Variants in LRP1B observed in about 807,000 individuals in gnomAD.
LRP1B encodes the protein LDL receptor related protein 1B, also known as low-density lipoprotein receptor-related protein 1B.
Under a neutral mutation model 556.6 loss-of-function variants are expected in LRP1B, and 217 were observed. The observed-to-expected ratio is 0.39, with a 90% CI of 0.35 to 0.44. LRP1B has a LOEUF of 0.44. LRP1B is among the 20% of genes least tolerant of loss of function. The pLI, the probability that LRP1B is intolerant of heterozygous loss-of-function variation, is 1.00. For missense variants in LRP1B, 5,053 were observed against 5,620.8 expected, an observed-to-expected ratio of 0.90 and a Z score of 3.23; for synonymous variants, 2,047 against 1,865.8, an observed-to-expected ratio of 1.10 and a Z score of -2.50.
At chr2:140,437,827 G>T (rs1360992308) in intron 66 of LRP1B, among the ~76,000 whole-genome samples, 2 of 152,112 alleles carry the variant, frequency 1.3e-5, no homozygotes, top group African/African-American at 4.8e-5. Context: ...AGGGGGAAAG[G>T]GAAGAGGTGG....
intron 72 of LRP1B, 42 bp from the exon 73 acceptor site, chr2:140,358,988 C>G (rs756612681): frequency 6.3e-7 from 1 of 1,582,532 alleles, no homozygotes; most frequent in South Asian, 1.1e-5. Context: ...CCTTCGAGTA[C>G]ATTGCTTTAT....
At chr2:141,471,294 T>TTA (rs1457351565) in intron 3 of LRP1B, among the ~76,000 whole-genome samples, 1 of 109,854 alleles carries the variant, frequency 9.1e-6, no homozygotes, top group Non-Finnish European at 2.2e-5. Flanking sequence ...TTTTTTTTTT[T>TTA]ACTCTCTTGC....
intron 84 of LRP1B, among the ~76,000 whole-genome samples, chr2:140,287,348 G>T (rs1258009281): frequency 6.6e-6 from 1 of 151,716 alleles, no homozygotes; most frequent in East Asian, 1.9e-4. Context: ...GTTCTTCATG[G>T]TCTAGAGGTA....
At chr2:141,964,418 C>A (rs1376528533) in intron 1 of LRP1B, among the ~76,000 whole-genome samples, 1 of 147,346 alleles carries the variant, frequency 6.8e-6, no homozygotes, top group South Asian at 2.2e-4. Flanking sequence ...TGGAACAGAA[C>A]AGAGCCCTCA....
At chr2:140,921,289 T>C (rs1367038750) in intron 21 of LRP1B, among the ~76,000 whole-genome samples, 1 of 151,998 alleles carries the variant, frequency 6.6e-6, no homozygotes, top group Non-Finnish European at 1.5e-5. Flanking sequence ...TAATTGAAAC[T>C]CAGGATTTTC....
intron 3 of LRP1B, among the ~76,000 whole-genome samples, chr2:141,378,130 C>T (rs1689505281): frequency 6.6e-6 from 1 of 152,064 alleles, no homozygotes; most frequent in African/African-American, 2.4e-5. Context: ...AAAAGAAAAC[C>T]TTGAAGAAAG....
chr2:140,365,158 G>A (rs770669014), intron 71 of LRP1B, among the ~76,000 whole-genome samples: 2 of 150,480 alleles, frequency 1.3e-5, no homozygotes, highest in Admixed American at 6.7e-5. Context: ...GTCTTTCTTG[G>A]GGAAAAGACA....
chr2:140,444,684 G>C lies in LRP1B; in HGVS notation c.10058-5C>G, dbSNP rs750367585. ...CTGGCTGACATCTAAATTCAGCTAG[G>C]GGAGAAAGCATAGATATTGTGGAAT... On this transcript the variant is annotated splice_polypyrimidine_tract_variant and splice_region_variant and intron_variant, in intron 63 of 90. Coordinates refer to ENST00000389484, the MANE Select transcript of LRP1B (RefSeq NM_018557.3). 6.3e-7 allele frequency: 1 copy of C among 1,576,692 alleles called. No individual in the cohort carries two copies. The highest frequency in any genetic ancestry group is 1.1e-5 in the South Asian group (1 of 90,184).
chr2:140,426,825 G>A (rs1317714044), intron 66 of LRP1B, among the ~76,000 whole-genome samples: 5 of 152,200 alleles, frequency 3.3e-5, no homozygotes, highest in African/African-American at 4.8e-5. Context: ...GACTCGGATC[G>A]GGGGACCTCC....
chr2:141,314,331 T>A (rs1056811662), intron 3 of LRP1B, among the ~76,000 whole-genome samples: 1 of 152,192 alleles, frequency 6.6e-6, no homozygotes, highest in Non-Finnish European at 1.5e-5. Flanking sequence ...TGCAATTACA[T>A]AATTTCATAG....
chr2:140,821,772 C>T (rs1464294933), intron 31 of LRP1B, among the ~76,000 whole-genome samples: 4 of 152,260 alleles, frequency 2.6e-5, no homozygotes, highest in African/African-American at 9.6e-5. Flanking sequence ...CCATGGCTCA[C>T]GCCTATAATC....
chr2:140,373,126 C>T lies in LRP1B; in HGVS notation c.10650G>A (p.Glu3550=), dbSNP rs16843864. Residue 3550 remains glutamate (E), a synonymous_variant, in exon 69 of 91, where the codon GAG becomes GAA. Transcript: ENST00000389484. ...GGAACTGATCTTTGGAACAACTTGT[C>T]TCACAATTTCTCTATGAAAAACAAC... ...CADGSDERNC[E]TSCSKDQFRC... The T allele has an allele frequency of 0.12, 195,880 of 1,611,320 alleles. 12,799 individuals carry two copies. Among genetic ancestry groups the T allele is most frequent in the African/African-American group, 0.19 (14,388 of 74,800 alleles).
intron 1 of LRP1B, among the ~76,000 whole-genome samples, chr2:141,994,419 C>T (rs1320846940): frequency 1.3e-5 from 2 of 152,074 alleles, no homozygotes; most frequent in Non-Finnish European, 2.9e-5. Context: ...GCTTTGTAGA[C>T]TATGAAAATG....
At chr2:141,541,940 A>G (rs1685275502) in intron 2 of LRP1B, among the ~76,000 whole-genome samples, 1 of 152,050 alleles carries the variant, frequency 6.6e-6, no homozygotes. Context: ...AAGTCTCTGG[A>G]AATTTTCTAG....
chr2:140,461,386 C>T (rs915801445), intron 60 of LRP1B, among the ~76,000 whole-genome samples: 2 of 152,096 alleles, frequency 1.3e-5, no homozygotes, highest in Admixed American at 6.6e-5. Context: ...GTAGCTTTGA[C>T]AGGGCTTTCT....
At chr2:140,798,111 T>A (rs1489555005) in intron 32 of LRP1B, among the ~76,000 whole-genome samples, 6 of 152,140 alleles carry the variant, frequency 3.9e-5, no homozygotes, top group Non-Finnish European at 7.4e-5. Context: ...TTTGTTTATT[T>A]GCTTATATGC....
chr2:141,347,251 TTTTCCA>T (rs1688284962), intron 3 of LRP1B, among the ~76,000 whole-genome samples: 1 of 152,054 alleles, frequency 6.6e-6, no homozygotes, highest in Admixed American at 6.6e-5. Flanking sequence ...GGTATAAAAA[TTTTCCA>T]GTTTATTTGT....
At chr2:140,397,449 A>T (rs1023324237) in intron 66 of LRP1B, among the ~76,000 whole-genome samples, 1 of 152,126 alleles carries the variant, frequency 6.6e-6, no homozygotes, top group Middle Eastern at 3.2e-3. Flanking sequence ...GGAAAGTGGC[A>T]CTTATTTCCA....
Position 140,536,678 on chromosome 2 carries a change from C to T in LRP1B, c.7545G>A (p.Glu2515=). ...TKNSSCNAYS[E]FECGNGECID... ...TGCACTCACCATTTCCACATTCAAACTCCGAATAAGCGTTGCAGGAGGAAT... is the reference window on the plus strand; with the variant it reads ...TGCACTCACCATTTCCACATTCAAATTCCGAATAAGCGTTGCAGGAGGAAT... Residue 2515 remains glutamate (E), a synonymous_variant, in exon 46 of 91, where the codon GAG becomes GAA. Coordinates refer to ENST00000389484, the MANE Select transcript of LRP1B (RefSeq NM_018557.3). The T allele has an allele frequency of 6.2e-7, 1 of 1,607,672 alleles. No homozygotes were observed. Among genetic ancestry groups the T allele is most frequent in the South Asian group, 1.1e-5 (1 of 90,206 alleles).
Sources: gnomAD v4.1 joint callset for allele counts (sites outside exome capture counted in the v4.1 genomes callset) on GRCh38, gnomAD v4.1.1 for gene constraint, MANE v1.5 for transcripts, NCBI Gene and HGNC (gene_info 2026-07-23, HGNC 2026-07-21) for gene names.